The following PRKCB variants were observed in gnomAD, a reference collection of about 807,000 sequenced individuals.
PRKCB encodes the protein protein kinase C beta type.
A neutral mutation model predicts 81.5 loss-of-function variants in PRKCB; 13 were observed. The observed-to-expected ratio is 0.16, with a 90% CI of 0.10 to 0.25. The LOEUF (loss-of-function observed/expected upper bound fraction) is 0.25, where lower values mean the gene tolerates loss of function less well. Ranked by LOEUF, PRKCB falls within the 10% of genes least tolerant of loss-of-function variation. PRKCB has a pLI of 1.00. For synonymous variants in PRKCB, 335 were observed against 321.4 expected, an observed-to-expected ratio of 1.04 and a Z score of -0.45; for missense variants, 509 against 875.7, an observed-to-expected ratio of 0.58 and a Z score of 5.29.
intron 2 of PRKCB, among the ~76,000 whole-genome samples, chr16:23,971,403 C>T (rs1487330715): frequency 2.6e-5 from 4 of 152,308 alleles, no homozygotes; most frequent in African/African-American, 4.8e-5. Context: ...GATGGTTCCT[C>T]TCCATTTGGT....
At chr16:24,213,733 G>A (rs28653562) in intron 16 of PRKCB, among the ~76,000 whole-genome samples, 17 of 152,282 alleles carry the variant, frequency 1.1e-4, no homozygotes, top group African/African-American at 3.6e-4. Context: ...CCAAATTAGC[G>A]GTTTGCCCCT....
At chr16:24,214,365 CA>C (rs2141995621) in intron 16 of PRKCB, among the ~76,000 whole-genome samples, 1 of 152,254 alleles carries the variant, frequency 6.6e-6, no homozygotes, top group Non-Finnish European at 1.5e-5. Flanking sequence ...CCTCTGGCCC[CA>C]CCATCTCATG....
chr16:23,905,080 C>T (rs376516945), intron 2 of PRKCB, among the ~76,000 whole-genome samples: 12 of 139,846 alleles, frequency 8.6e-5, no homozygotes, highest in South Asian at 4.4e-4. Context: ...TAGCACAGCT[C>T]GGAGTCTTGC....
chr16:24,174,266 A>G (rs528956077), intron 11 of PRKCB: 3 of 429,984 alleles, frequency 7.0e-6, no homozygotes, highest in South Asian at 4.7e-5. Flanking sequence ...ATCATATCCC[A>G]TGTCCCCTTC....
At chr16:24,021,308 T>TC (rs74217278) in intron 3 of PRKCB, among the ~76,000 whole-genome samples, 233 of 22,862 alleles carry the variant, frequency 0.01, 41 homozygotes, top group South Asian at 0.028. Context: ...CCTTCCTTCC[T>TC]TCCTTCCTTC....
chr16:24,122,836 C>T (rs1203506428), intron 8 of PRKCB, among the ~76,000 whole-genome samples: 3 of 152,182 alleles, frequency 2.0e-5, no homozygotes, highest in Non-Finnish European at 2.9e-5. Context: ...AGCTGCAGGT[C>T]TCCCACTCAT....
chr16:23,878,260 C>G (rs1963049002), intron 2 of PRKCB, among the ~76,000 whole-genome samples: 1 of 152,194 alleles, frequency 6.6e-6, no homozygotes, highest in Non-Finnish European at 1.5e-5. Context: ...TTGGTCACAG[C>G]ATTTTCATCC....
intron 2 of PRKCB, among the ~76,000 whole-genome samples, chr16:23,965,249 G>T (rs192699476): frequency 2.0e-5 from 3 of 152,290 alleles, no homozygotes; most frequent in East Asian, 1.9e-4. Context: ...GCAGCATTTG[G>T]TTTTCTGTTC....
At chr16:23,936,531 G>A (rs568841349) in intron 2 of PRKCB, among the ~76,000 whole-genome samples, 106 of 150,458 alleles carry the variant, frequency 7.0e-4, no homozygotes, top group Non-Finnish European at 1.2e-3. Flanking sequence ...TCCCACCTCA[G>A]CTTCCTGCGT....
chr16:24,178,804 T>C (rs1967574966), intron 12 of PRKCB, among the ~76,000 whole-genome samples: 1 of 152,198 alleles, frequency 6.6e-6, no homozygotes, highest in Non-Finnish European at 1.5e-5. Flanking sequence ...AGATAGGAGA[T>C]GCCAGGATAT....
intron 16 of PRKCB, among the ~76,000 whole-genome samples, chr16:24,205,316 C>T (rs1968029217): frequency 6.6e-6 from 1 of 150,764 alleles, no homozygotes; most frequent in South Asian, 2.1e-4. Context: ...CATGCCTGGC[C>T]AATTTTTAAA....
intron 9 of PRKCB, among the ~76,000 whole-genome samples, chr16:24,144,316 C>T (rs1966955730): frequency 6.6e-6 from 1 of 152,074 alleles, no homozygotes; most frequent in African/African-American, 2.4e-5. Context: ...CTTTTTGAGA[C>T]CGAGTCTCAC....
chr16:24,098,729 A>G (rs998527208), intron 7 of PRKCB: 1 of 152,176 alleles, frequency 6.6e-6, no homozygotes, highest in Non-Finnish European at 1.5e-5. Context: ...CAGCCTGGGC[A>G]AAGATTTCAC....
Position 24,218,060 on chromosome 16 carries a change from G to A in PRKCB, c.*3244G>A, listed in dbSNP as rs934837392. The A allele has an allele frequency of 6.4e-5, 63 of 985,064 alleles. No homozygotes were observed. The highest frequency in any genetic ancestry group is 7.5e-5 in the Non-Finnish European group (62 of 829,748). 61.0% of individuals were successfully genotyped at this position (985,064 alleles called of 1,614,324 possible). On this transcript the variant is annotated 3_prime_UTR_variant, in exon 17 of 17. Coordinates refer to ENST00000643927, the MANE Select transcript of PRKCB (RefSeq NM_002738.7). ...AATAATTACAAACAACCTACTGTGT[G>A]CCAGGCACTATTCTTAGCACTGGAA...
At chr16:24,100,163 A>G (rs1966487655) in intron 7 of PRKCB, among the ~76,000 whole-genome samples, 1 of 152,056 alleles carries the variant, frequency 6.6e-6, no homozygotes, top group Non-Finnish European at 1.5e-5. Flanking sequence ...CCATTGTTGT[A>G]TATAAACTCC....
chr16:23,881,284 G>A (rs1048929930), intron 2 of PRKCB, among the ~76,000 whole-genome samples: 67 of 137,230 alleles, frequency 4.9e-4, no homozygotes, highest in African/African-American at 1.8e-3. Context: ...ACAGAGTCTC[G>A]CTCTGTTGCC....
intron 2 of PRKCB, among the ~76,000 whole-genome samples, chr16:23,841,170 C>T (rs1340415804): frequency 6.6e-6 from 1 of 152,142 alleles, no homozygotes; most frequent in East Asian, 1.9e-4. Flanking sequence ...CCTCCATCTC[C>T]TGGGGCTCAA....
intron 9 of PRKCB, among the ~76,000 whole-genome samples, chr16:24,128,483 T>C (rs984607160): frequency 3.9e-5 from 6 of 152,206 alleles, no homozygotes; most frequent in African/African-American, 1.4e-4. Flanking sequence ...GAAGCAATGG[T>C]GAAGGACATT....
intron 2 of PRKCB, among the ~76,000 whole-genome samples, chr16:23,869,882 C>T (rs56098067): frequency 0.29 from 43,488 of 152,028 alleles, 6,583 homozygotes; most frequent in South Asian, 0.53. Context: ...ATTAGCCAGG[C>T]ATGCTGGCAG....
Sources: gnomAD v4.1 joint callset for allele counts (sites outside exome capture counted in the v4.1 genomes callset) on GRCh38, gnomAD v4.1.1 for gene constraint, MANE v1.5 for transcripts, NCBI Gene and HGNC (gene_info 2026-07-23, HGNC 2026-07-21) for gene names.